GTF2F2: variants seen among roughly 807,000 people sequenced by gnomAD.
GTF2F2 encodes the protein ATP-dependent helicase GTF2F2.
In GTF2F2, 23 loss-of-function variants were observed where a neutral mutation model predicts 42.2. The ratio of observed to expected loss-of-function variants is 0.55; its 90% CI spans 0.39 to 0.77. The LOEUF (loss-of-function observed/expected upper bound fraction) is 0.77, where lower values mean the gene tolerates loss of function less well. GTF2F2 is among the 30% of genes least tolerant of loss of function. The pLI is 0.00. For synonymous variants in GTF2F2, 105 were observed against 100.8 expected, an observed-to-expected ratio of 1.04 and a Z score of -0.25; for missense variants, 261 against 287.2, an observed-to-expected ratio of 0.91 and a Z score of 0.66.
intron 5 of GTF2F2, among the ~76,000 whole-genome samples, chr13:45,208,924 G>T (rs752827221): frequency 6.6e-6 from 1 of 152,092 alleles, no homozygotes; most frequent in African/African-American, 2.4e-5. Context: ...GTAAATTTTT[G>T]AAGTCTTTTT....
chr13:45,226,994 AG>A (rs1400725639), intron 5 of GTF2F2, among the ~76,000 whole-genome samples: 1 of 152,186 alleles, frequency 6.6e-6, no homozygotes, highest in Non-Finnish European at 1.5e-5. Flanking sequence ...GGGGAGAAAT[AG>A]GAGGCCAAGG....
intron 7 of GTF2F2, among the ~76,000 whole-genome samples, chr13:45,283,209 A>G (rs1877333759): frequency 1.3e-5 from 2 of 152,046 alleles, no homozygotes; most frequent in African/African-American, 2.4e-5. Context: ...AGTTGTTGGC[A>G]TTCAGGACTT....
intron 3 of GTF2F2, 130 bp downstream of exon 3, chr13:45,149,918 A>AG: frequency 1.2e-6 from 1 of 815,146 alleles, no homozygotes. Context: ...AGAACACATA[A>AG]AGGTATAAAT....
At chr13:45,162,943 C>T (rs529672302) in intron 4 of GTF2F2, among the ~76,000 whole-genome samples, 2 of 124,226 alleles carry the variant, frequency 1.6e-5, no homozygotes, top group Non-Finnish European at 3.3e-5. Flanking sequence ...CTAACCCTTA[C>T]CTCACTTGCT....
At position 45,216,172 on chromosome 13, in the gene GTF2F2, T is replaced by G. The variant is rs913387025; in HGVS notation, c.386+8667T>G. The stretch of plus-strand genomic sequence containing the variant: ...GGTCAAGGCTGCAGTGAGCTGAGGT[T>G]GCACCACTGCACTCCCTCCTGGGCA... On this transcript the variant is annotated intron_variant, in intron 5 of 7. Transcript: ENST00000340473. Among the ~76,000 whole-genome samples, 6 of 151,390 alleles carry G rather than the reference T, an allele frequency of 4.0e-5. No individual in the cohort carries two copies. In the East Asian group the frequency reaches 1.2e-3, roughly 30 times the overall value.
intron 6 of GTF2F2, among the ~76,000 whole-genome samples, chr13:45,258,771 CTATT>C (rs1876205784): frequency 6.6e-6 from 1 of 152,114 alleles, no homozygotes; most frequent in African/African-American, 2.4e-5. Flanking sequence ...ATGCTTATAT[CTATT>C]TATAAATACA....
intron 2 of GTF2F2, among the ~76,000 whole-genome samples, chr13:45,144,971 G>A (rs944323417): frequency 6.6e-6 from 1 of 152,050 alleles, no homozygotes; most frequent in African/African-American, 2.4e-5. Flanking sequence ...AAACAACATA[G>A]AATAACAATC....
At chr13:45,248,677 T>C (rs1406718838) in intron 5 of GTF2F2, among the ~76,000 whole-genome samples, 1 of 152,126 alleles carries the variant, frequency 6.6e-6, no homozygotes, top group African/African-American at 2.4e-5. Context: ...GGTTTCGCCA[T>C]GTTGGGCAAG....
intron 2 of GTF2F2, among the ~76,000 whole-genome samples, chr13:45,144,688 G>T (rs1426869157): frequency 1.3e-5 from 2 of 151,792 alleles, no homozygotes; most frequent in Admixed American, 1.3e-4. Context: ...TGATCCACCC[G>T]CCTCGGCCTC....
chr13:45,256,925 T>C (rs1040445579), intron 6 of GTF2F2, among the ~76,000 whole-genome samples: 1 of 151,972 alleles, frequency 6.6e-6, no homozygotes, highest in Admixed American at 6.6e-5. Context: ...AGAATAAAAA[T>C]TCAAAAAAAA....
intron 4 of GTF2F2, chr13:45,193,915 C>T (rs1371916749): frequency 6.2e-7 from 1 of 1,614,016 alleles, no homozygotes; most frequent in Non-Finnish European, 8.5e-7. Context: ...TTCCAAGGTA[C>T]AGACAAAGGT....
chr13:45,168,900 C>CTT (rs1871447247), intron 4 of GTF2F2, among the ~76,000 whole-genome samples: 2 of 294 alleles, frequency 6.8e-3, no homozygotes, highest in Admixed American at 0.056. Flanking sequence ...TCCCTCCCTC[C>CTT]CTCCCTCCTC....
chr13:45,212,455 C>CTTTCTTTTCTTTTCTTTCTTTCTTTCT, intron 5 of GTF2F2, among the ~76,000 whole-genome samples: 1 of 96,656 alleles, frequency 1.0e-5, no homozygotes, highest in Middle Eastern at 4.9e-3. Context: ...TTGTTTCTTT[C>CTTTCTTTTCTTTTCTTTCTTTCTTTCT]TTTCTTTCTT....
At chr13:45,187,421 G>C (rs2138164112) in intron 4 of GTF2F2, among the ~76,000 whole-genome samples, 1 of 152,078 alleles carries the variant, frequency 6.6e-6, no homozygotes, top group South Asian at 2.1e-4. Flanking sequence ...ATTAAATATA[G>C]GTCATTTATA....
chr13:45,176,098 C>T (rs1335046836), intron 4 of GTF2F2, among the ~76,000 whole-genome samples: 1 of 152,102 alleles, frequency 6.6e-6, no homozygotes. Context: ...CTGCAGTTTA[C>T]TCATTTTTAC....
rs918774184 is a variant in GTF2F2, at chr13:45,279,761, C to G, written c.631-3681C>G. Among the ~76,000 whole-genome samples the G allele has an allele frequency of 1.1e-3, 161 of 152,222 alleles. 1 individual carries two copies. The highest frequency in any genetic ancestry group is 3.4e-3 in the Middle Eastern group (1 of 294). On this transcript the variant is annotated intron_variant, in intron 7 of 7. Coordinates refer to ENST00000340473, the MANE Select transcript of GTF2F2 (RefSeq NM_004128.3). ...TCTCTCCTAAAAATACAAAATTAGC[C>G]AGGCGTGGTGTCACATGCCTGTAAT... is the stretch of plus-strand genomic sequence containing the variant.
chr13:45,250,537 T>C (rs759675149), intron 5 of GTF2F2, among the ~76,000 whole-genome samples: 2 of 152,220 alleles, frequency 1.3e-5, no homozygotes, highest in Non-Finnish European at 2.9e-5. Context: ...AAGTCTTTAC[T>C]GCTATGTCTC....
In GTF2F2 at chr13:45,267,145, G is replaced by A. The variant is rs566506949; in HGVS notation, c.487-88G>A. ...GCCTGGGCAACAAGAGCAAAACTCT[G>A]TCTCAAAAAAAAAAAAAAGAGAATG... is the stretch of plus-strand genomic sequence containing the variant. On this transcript the variant is annotated intron_variant, in intron 6 of 7. Coordinates refer to ENST00000340473, the MANE Select transcript of GTF2F2 (RefSeq NM_004128.3). 408 of 1,097,426 alleles carry A rather than the reference G, an allele frequency of 3.7e-4. 4 individuals are homozygous for A. The East Asian group carries it at 9.7e-3, about 26-fold the overall frequency. 68.0% of individuals were successfully genotyped at this position (1,097,426 alleles called of 1,614,324 possible).
rs1157972776 is a variant in GTF2F2, at chr13:45,278,816, C to CTTTT, written c.631-4604_631-4601dup. On this transcript the variant is annotated intron_variant, in intron 7 of 7. Coordinates refer to ENST00000340473, the MANE Select transcript of GTF2F2 (RefSeq NM_004128.3). Reference sequence around the variant, plus strand: ...CCTGCCAATTTGCCTTTTTCTTTTTCTTTTTTTTTTTTTTTTTTTTTTTTT... The same window carrying CTTTT: ...CCTGCCAATTTGCCTTTTTCTTTTTCTTTTTTTTTTTTTTTTTTTTTTTTTTTTT... Among the ~76,000 whole-genome samples, 394 of 62,312 alleles carry CTTTT rather than the reference C, an allele frequency of 6.3e-3. 8 individuals are homozygous for CTTTT. The highest frequency in any genetic ancestry group is 9.8e-3 in the African/African-American group (141 of 14,382). The allele number at this position is 62,312 out of a possible 152,430, so 40.9% of individuals were successfully genotyped here. A position where few individuals can be genotyped will look rare whatever the true frequency, so the allele number is the denominator to read the frequency against.
Sources: gnomAD v4.1 joint callset for allele counts (sites outside exome capture counted in the v4.1 genomes callset) on GRCh38, gnomAD v4.1.1 for gene constraint, MANE v1.5 for transcripts, NCBI Gene and HGNC (gene_info 2026-07-23, HGNC 2026-07-21) for gene names.